Variants in FTSJ3 observed in about 807,000 individuals in gnomAD.
FTSJ3 encodes pre-rRNA 2'-O-ribose RNA methyltransferase FTSJ3.
In FTSJ3, 46 loss-of-function variants were observed where a neutral mutation model predicts 111.5. The ratio of observed to expected loss-of-function variants is 0.41; its 90% confidence interval spans 0.33 to 0.53. The LOEUF is 0.53. Among genes scored for constraint, FTSJ3 ranks in the 20% least tolerant of loss-of-function variants. FTSJ3 has a pLI of 0.19. For missense variants in FTSJ3, 1,075 were observed against 1,063.8 expected (o/e 1.01, Z -0.15); for synonymous variants, 408 against 383.0 (o/e 1.07, Z -0.76).
chr17:63,826,816 C>A lies in FTSJ3; in HGVS notation c.67+20G>T. The A allele has an allele frequency of 6.2e-7, 1 of 1,612,636 alleles. No homozygotes were observed. Among genetic ancestry groups the A allele is most frequent in the Non-Finnish European group, 8.5e-7 (1 of 1,178,648 alleles). ...CAGAGATCGCTCGCTCGCTCGCAGACTGAGCGAATCCGGACTCACCCGTCT... is the reference window on the plus strand; with the variant it reads ...CAGAGATCGCTCGCTCGCTCGCAGAATGAGCGAATCCGGACTCACCCGTCT... On this transcript the variant is annotated intron_variant, in intron 2 of 20. Transcript: ENST00000427159.
Position 63,824,638 on chromosome 17 carries a change from T to C in FTSJ3, c.916A>G (p.Arg306Gly), listed in dbSNP as rs1326087401. Reference sequence around the variant, plus strand: ...CCCCGTGCCTACCCCACTCCATACCTGAGCTCCTTGCGCCCCAACACTCTG... The same window carrying C: ...CCCCGTGCCTACCCCACTCCATACCCGAGCTCCTTGCGCCCCAACACTCTG... ...DIRVLGRKEL[R>G]SLLNWRTKLR... is the part of the protein sequence containing the mutation. Residue 306 changes from arginine to glycine, a missense_variant and splice_region_variant, in exon 10 of 21, where the codon AGG (arginine) becomes GGG (glycine). Transcript: ENST00000427159. 6.2e-7 allele frequency: 1 copy of C among 1,611,486 alleles called. No homozygotes were observed. Among genetic ancestry groups the C allele is most frequent in the Non-Finnish European group, 8.5e-7 (1 of 1,177,708 alleles).
At chr17:63,825,666 G>A (rs371634063) in intron 5 of FTSJ3, 31 bp from the exon 6 acceptor site, 5 of 1,575,312 alleles carry the variant, frequency 3.2e-6, no homozygotes, top group Admixed American at 1.7e-5. Flanking sequence ...TATGGAAACA[G>A]AAACACTGGA....
At chr17:63,821,674 C>G (rs1219320477) in intron 15 of FTSJ3, 31 bp from the exon 16 acceptor site, 1 of 1,613,928 alleles carries the variant, frequency 6.2e-7, no homozygotes, top group Non-Finnish European at 8.5e-7. Context: ...CTGCCCTTCT[C>G]CCAAGGAAGA....
chr17:63,819,755 CCCTT>C lies in FTSJ3; in HGVS notation c.*43_*46del. 1 of 1,548,598 alleles carries C rather than the reference CCCTT, an allele frequency of 6.5e-7. No homozygotes were observed. Among genetic ancestry groups the C allele is most frequent in the Non-Finnish European group, 8.8e-7 (1 of 1,139,100 alleles). The stretch of plus-strand genomic sequence containing the variant: ...GGGGGCCAGACTGAGCCATGCCACA[CCCTT>C]CCTCCTAGTCCCCATGCTCTCCTGG... On this transcript the variant is annotated 3_prime_UTR_variant, in exon 21 of 21. Coordinates refer to ENST00000427159, the MANE Select transcript of FTSJ3 (RefSeq NM_017647.4).
chr17:63,825,604 A>G lies in FTSJ3; in HGVS notation c.332T>C (p.Val111Ala). ...ALRKELKTWK[V>A]DVVLNDGAPN... ...GGCCCCATCATTGAGCACAACATCA[A>G]CCTTCCAGGTCTTCAGCTCCTTCCT... Residue 111 changes from valine to alanine, a missense_variant, in exon 6 of 21, where the codon GTT (valine) becomes GCT (alanine). Val to Ala is a moderately conservative substitution (Grantham distance 64). This residue lies in a region of FTSJ3 where 208 missense variants were observed against 266.9 expected (regional missense o/e 0.78). Transcript: ENST00000427159. 1 of 1,614,078 alleles carries G rather than the reference A, an allele frequency of 6.2e-7. No homozygotes were observed. The highest frequency in any genetic ancestry group is 1.3e-5 in the African/African-American group (1 of 75,018).
At chr17:63,823,624 C>A in intron 13 of FTSJ3, 193 bp downstream of exon 13, 1 of 627,022 alleles carries the variant, frequency 1.6e-6, no homozygotes, top group South Asian at 2.0e-5. Context: ...CTATCACACT[C>A]ATCTATCTAC....
Position 63,825,355 on chromosome 17 carries a change from G to C in FTSJ3, c.482C>G (p.Ser161Cys), listed in dbSNP as rs1276159986. The change falls in exon 7 of 21, where the codon TCT becomes TGT. Residue 161 changes from serine to cysteine, a missense_variant. Around this residue, in one of 2 missense-constraint regions of FTSJ3, gnomAD observed 208 missense variants for 266.9 expected, o/e 0.78. Coordinates refer to ENST00000427159, the MANE Select transcript of FTSJ3 (RefSeq NM_017647.4). Reference sequence around the variant, plus strand: ...CCATAGCAGAGGCTGATAGTCACGAGAACGGAAAACCTTTGTGATGAAGCT... The same window carrying C: ...CCATAGCAGAGGCTGATAGTCACGACAACGGAAAACCTTTGTGATGAAGCT... ...GGSFITKVFR[S>C]RDYQPLLWIF... is the part of the protein sequence containing the mutation. 6.2e-7 allele frequency: 1 copy of C among 1,614,208 alleles called. No homozygotes were observed. Among genetic ancestry groups the C allele is most frequent in the South Asian group, 1.1e-5 (1 of 91,088 alleles).
At position 63,824,630 on chromosome 17, in the gene FTSJ3, T is replaced by C; in HGVS notation, c.917+7A>G. ...CTCCTGGCCCCCGTGCCTACCCCAC[T>C]CCATACCTGAGCTCCTTGCGCCCCA... On this transcript the variant is annotated splice_region_variant and intron_variant, in intron 10 of 20. Transcript: ENST00000427159. The C allele has an allele frequency of 1.2e-6, 2 of 1,610,768 alleles. No homozygotes were observed. Among genetic ancestry groups the C allele is most frequent in the South Asian group, 2.2e-5 (2 of 91,014 alleles).
At position 63,825,606 on chromosome 17, in the gene FTSJ3, C is replaced by T. The variant is rs776146026; in HGVS notation, c.330G>A (p.Lys110=). 6.2e-7 allele frequency: 1 copy of T among 1,614,144 alleles called. No homozygotes were observed. The highest frequency in any genetic ancestry group is 8.5e-7 in the Non-Finnish European group (1 of 1,180,012). Residue 110 remains lysine (K), a synonymous_variant, in exon 6 of 21, where the codon AAG becomes AAA. Transcript: ENST00000427159. ...CCCCATCATTGAGCACAACATCAAC[C>T]TTCCAGGTCTTCAGCTCCTTCCTCA... ...QALRKELKTW[K]VDVVLNDGAP...
At position 63,827,462 on chromosome 17, in the gene FTSJ3, A is replaced by T. The variant is rs960399152; in HGVS notation, c.-437T>A. ...GCGCTTGCGCGCCAAGACGGCTCGG[A>T]TGCCGGCGGTCTCTGCTGAAGAGAG... On this transcript the variant is annotated 5_prime_UTR_variant, in exon 1 of 21. Coordinates refer to ENST00000427159, the MANE Select transcript of FTSJ3 (RefSeq NM_017647.4). The T allele has an allele frequency of 1.9e-6, 3 of 1,551,704 alleles. No individual in the cohort carries two copies. In the East Asian group the frequency reaches 7.3e-5, roughly 38 times the overall value.
chr17:63,826,012 A>C, intron 5 of FTSJ3, 44 bp downstream of exon 5: 1 of 1,479,196 alleles, frequency 6.8e-7, no homozygotes, highest in South Asian at 1.2e-5. Flanking sequence ...AGGGATGTAG[A>C]TGTTTCCGTA....
At position 63,821,701 on chromosome 17, in the gene FTSJ3, C is replaced by G. The variant is rs777404552; in HGVS notation, c.1596+22G>C. On this transcript the variant is annotated intron_variant, in intron 15 of 20. Transcript: ENST00000427159. ...CAAGGAAGACTCATCTCCCCGCAGT[C>G]TTGCCCCCGGCCTCTCCTTACCTTT... 1.9e-6 allele frequency: 3 copies of G among 1,614,080 alleles called. No homozygotes were observed. In the African/African-American group the frequency reaches 4.0e-5, roughly 22 times the overall value.
intron 16 of FTSJ3, 118 bp downstream of exon 16, chr17:63,821,236 G>C: frequency 6.6e-7 from 1 of 1,505,334 alleles, no homozygotes; most frequent in Non-Finnish European, 9.2e-7. Context: ...AATCAGGATC[G>C]TCAGTACAGT....
At chr17:63,822,558 G>A (rs2040061564) in intron 13 of FTSJ3, among the ~76,000 whole-genome samples, 1 of 152,108 alleles carries the variant, frequency 6.6e-6, no homozygotes, top group Non-Finnish European at 1.5e-5. Context: ...TGAATAAAAG[G>A]GGCCCAGCCA....
chr17:63,822,268 G>A, intron 13 of FTSJ3, 100 bp from the exon 14 acceptor site: 1 of 970,000 alleles, frequency 1.0e-6, no homozygotes, highest in Non-Finnish European at 1.5e-6. Flanking sequence ...ACACTAGAAA[G>A]AACACTGGCA....
chr17:63,827,376 C>A lies in FTSJ3; in HGVS notation c.-351G>T. ...TCCCTTAGTGTGGTCTCGCCGCACA[C>A]CCCGCCCATTGACCCGGAATTCTTC... On this transcript the variant is annotated 5_prime_UTR_variant, in exon 1 of 21. Coordinates refer to ENST00000427159, the MANE Select transcript of FTSJ3 (RefSeq NM_017647.4). 3 of 1,450,754 alleles carry A rather than the reference C, an allele frequency of 2.1e-6. No homozygotes were observed. Among genetic ancestry groups the A allele is most frequent in the Non-Finnish European group, 2.8e-6 (3 of 1,058,202 alleles). The allele number at this position is 1,450,754 out of a possible 1,614,324, so 89.9% of individuals were successfully genotyped here.
In FTSJ3 at chr17:63,819,497, T is replaced by TC. The variant is rs2040024801; in HGVS notation, c.*304dup. On this transcript the variant is annotated 3_prime_UTR_variant, in exon 21 of 21. Transcript: ENST00000427159. ...GGGGAGGGCTTAAGTGGCCCACACG[T>TC]CCAGGTGTAGACTGACTACATTGAG... The TC allele has an allele frequency of 1.0e-5, 3 of 297,806 alleles. No individual in the cohort carries two copies. The highest frequency in any genetic ancestry group is 6.4e-5 in the African/African-American group (3 of 46,802). The allele number at this position is 297,806 out of a possible 1,614,324, so 18.4% of individuals were successfully genotyped here. A position where few individuals can be genotyped will look rare whatever the true frequency, so the allele number is the denominator to read the frequency against.
intron 19 of FTSJ3, 34 bp downstream of exon 19, chr17:63,820,210 CCCCCACCCCCA>C (rs2040035055): frequency 2.9e-6 from 2 of 692,886 alleles, no homozygotes; most frequent in Non-Finnish European, 4.9e-6. Flanking sequence ...CTTCCCCATC[CCCCCACCCCCA>C]CCCCACCCAA....
intron 3 of FTSJ3, 75 bp downstream of exon 3, chr17:63,826,492 G>T: frequency 1.5e-6 from 2 of 1,345,734 alleles, no homozygotes; most frequent in Non-Finnish European, 2.1e-6. Flanking sequence ...CCCTCCCGCA[G>T]TGAAACTGGA....
Sources: allele counts gnomAD v4.1 joint callset (sites outside exome capture counted in the v4.1 genomes callset), GRCh38; gene constraint gnomAD v4.1.1; regional missense constraint gnomAD v4.1.1; transcripts MANE v1.5; gene names NCBI Gene and HGNC (gene_info 2026-07-23, HGNC 2026-07-21).